RBFOX1: variants seen among roughly 807,000 people sequenced by gnomAD.
The protein encoded by RBFOX1 is RNA binding fox-1 homolog 1.
Under a neutral mutation model 57.7 loss-of-function variants are expected in RBFOX1, and 8 were observed. That is an observed-to-expected ratio of 0.14 (90% CI 0.08 to 0.25). RBFOX1 has a LOEUF of 0.25. Ranked by LOEUF, RBFOX1 falls within the 10% of genes least tolerant of loss-of-function variation. The pLI, the probability that RBFOX1 is intolerant of heterozygous loss-of-function variation, is 1.00. For synonymous variants in RBFOX1, 326 were observed against 222.4 expected, an observed-to-expected ratio of 1.47 and a Z score of -4.15; for missense variants, 611 against 548.5, an observed-to-expected ratio of 1.11 and a Z score of -1.14.
intron 4 of RBFOX1, among the ~76,000 whole-genome samples, chr16:7,247,924 A>G (rs1407235256): frequency 6.6e-6 from 1 of 152,224 alleles, no homozygotes; most frequent in Non-Finnish European, 1.5e-5. Context: ...GGATCAGGAA[A>G]AATAACTAAT....
At chr16:6,648,635 C>G (rs2098552705) in intron 2 of RBFOX1, among the ~76,000 whole-genome samples, 1 of 152,110 alleles carries the variant, frequency 6.6e-6, no homozygotes, top group South Asian at 2.1e-4. Context: ...GGGCCCTCAC[C>G]CTTTGAATTT....
intron 1 of RBFOX1, among the ~76,000 whole-genome samples, chr16:5,368,156 G>C (rs1490747085): frequency 6.6e-6 from 1 of 152,220 alleles, no homozygotes; most frequent in African/African-American, 2.4e-5. Context: ...ACCTCTGGGA[G>C]CTATCTGTTT....
intron 3 of RBFOX1, among the ~76,000 whole-genome samples, chr16:5,727,006 C>G (rs1033202577): frequency 6.6e-6 from 1 of 152,192 alleles, no homozygotes; most frequent in African/African-American, 2.4e-5. Flanking sequence ...TGCCTGTAAT[C>G]CCAGCACTTT....
intron 4 of RBFOX1, among the ~76,000 whole-genome samples, chr16:7,447,731 A>T (rs966294654): frequency 3.3e-5 from 5 of 152,190 alleles, no homozygotes; most frequent in African/African-American, 1.2e-4. Flanking sequence ...TTATTAAGCA[A>T]TTAAGTATTG....
chr16:5,835,264 G>T (rs1227209607), intron 3 of RBFOX1, among the ~76,000 whole-genome samples: 1 of 152,150 alleles, frequency 6.6e-6, no homozygotes, highest in Admixed American at 6.5e-5. Flanking sequence ...GGCTGGGCAG[G>T]CACTACAGGC....
chr16:7,207,289 A>G lies in RBFOX1; in HGVS notation c.27+155191A>G, dbSNP rs527673895. Among the ~76,000 whole-genome samples, 338 of 152,238 alleles carry G rather than the reference A, an allele frequency of 2.2e-3. 3 individuals are homozygous for G. Among genetic ancestry groups the G allele is most frequent in the Middle Eastern group, 0.017 (5 of 292 alleles). ...TCACGTTCCGGCCCTTCATTCTGCT[A>G]GCTTCAGGTTGGTGAGTCATGCATG... On this transcript the variant is annotated intron_variant, in intron 4 of 15. Coordinates refer to ENST00000550418, the MANE Select transcript of RBFOX1 (RefSeq NM_018723.4).
intron 2 of RBFOX1, among the ~76,000 whole-genome samples, chr16:6,492,109 T>C (rs57992204): frequency 0.015 from 1,731 of 116,178 alleles, 39 homozygotes; most frequent in African/African-American, 0.05. Flanking sequence ...AAATAGCAAG[T>C]ATATGAAAGT....
At chr16:5,893,315 CA>C (rs1218896852) in intron 4 of RBFOX1, among the ~76,000 whole-genome samples, 1 of 151,930 alleles carries the variant, frequency 6.6e-6, no homozygotes, top group African/African-American at 2.4e-5. Flanking sequence ...TGAATGGGCA[CA>C]AAAAATAGAA....
intron 3 of RBFOX1, among the ~76,000 whole-genome samples, chr16:6,915,296 T>G (rs2072848767): frequency 6.6e-6 from 1 of 152,152 alleles, no homozygotes; most frequent in South Asian, 2.1e-4. Context: ...GTTTCCATTC[T>G]CTGTGTTGCG....
chr16:6,070,609 A>C (rs1368453058), intron 1 of RBFOX1, among the ~76,000 whole-genome samples: 3 of 152,196 alleles, frequency 2.0e-5, no homozygotes, highest in Non-Finnish European at 2.9e-5. Context: ...ATGGAGAGGC[A>C]AATTCATAGG....
intron 13 of RBFOX1, 102 bp downstream of exon 13, chr16:7,665,070 T>C (rs1390488860): frequency 1.2e-6 from 2 of 1,606,872 alleles, no homozygotes; most frequent in African/African-American, 2.7e-5. Context: ...TGAGTTTCTC[T>C]CCTTGGTCTG....
intron 1 of RBFOX1, among the ~76,000 whole-genome samples, chr16:6,178,253 C>G (rs1162390179): frequency 8.1e-6 from 1 of 123,324 alleles, no homozygotes; most frequent in African/African-American, 3.1e-5. Context: ...GTGGTGAGAT[C>G]TCGGTTCACT....
rs545487591 is a variant in RBFOX1 at position 5,710,240 on chromosome 16, C to G, written c.318+111279C>G. Among the ~76,000 whole-genome samples, 3 of 152,224 alleles carry G rather than the reference C, an allele frequency of 2.0e-5. No individual in the cohort carries two copies. In the South Asian group the frequency reaches 6.2e-4, roughly 32 times the overall value. On this transcript the variant is annotated intron_variant, in intron 3 of 19. Transcript: ENST00000641259. Reference sequence around the variant, plus strand: ...TTTGCAGATGTTGAAACTGAAGCAGCTAATTGTGGATCAGGTAACCCAATG... The same window carrying G: ...TTTGCAGATGTTGAAACTGAAGCAGGTAATTGTGGATCAGGTAACCCAATG...
At position 5,380,012 on chromosome 16, in the gene RBFOX1, T is replaced by G. The variant is rs185687779; in HGVS notation, c.220-87204T>G. ...TGGGAGCCTGGGCACAGCCTTGCAG[T>G]GGGCGGTGTGAGGGCACAGCACCCA... On this transcript the variant is annotated intron_variant, in intron 1 of 2. Transcript: ENST00000585867. 8.4e-4 allele frequency among the ~76,000 whole-genome samples: 128 copies of G among 152,234 alleles called. 2 individuals carry two copies. The East Asian group carries it at 0.021, about 24-fold the overall frequency.
Position 6,661,784 on chromosome 16 carries a change from T to G in RBFOX1, c.-16+7134T>G, listed in dbSNP as rs371935331. Among the ~76,000 whole-genome samples the G allele has an allele frequency of 7.9e-5, 12 of 152,342 alleles. No homozygotes were observed. The Middle Eastern group carries it at 0.01, about 130-fold the overall frequency. On this transcript the variant is annotated intron_variant, in intron 3 of 15. Coordinates refer to ENST00000550418, the MANE Select transcript of RBFOX1 (RefSeq NM_018723.4). ...GACAGAATGAACATGGGAATGCAACTGTCTCTTTGAAATGTTGATTTAGCG... is the reference window on the plus strand; with the variant it reads ...GACAGAATGAACATGGGAATGCAACGGTCTCTTTGAAATGTTGATTTAGCG...
At chr16:6,230,374 A>G (rs2097449910) in intron 1 of RBFOX1, among the ~76,000 whole-genome samples, 1 of 152,154 alleles carries the variant, frequency 6.6e-6, no homozygotes, top group South Asian at 2.1e-4. Flanking sequence ...TTCACACATG[A>G]GAGAATTGGG....
At chr16:7,010,640 C>G (rs558567947) in intron 3 of RBFOX1, among the ~76,000 whole-genome samples, 19 of 151,962 alleles carry the variant, frequency 1.3e-4, no homozygotes, top group South Asian at 4.2e-4. Flanking sequence ...ACCAATGGCT[C>G]TCTGGTACCG....
At chr16:5,551,608 G>A (rs1261329158) in intron 2 of RBFOX1, among the ~76,000 whole-genome samples, 1 of 152,170 alleles carries the variant, frequency 6.6e-6, no homozygotes, top group African/African-American at 2.4e-5. Flanking sequence ...GATTCGGTGT[G>A]TGTCCCCTGG....
intron 2 of RBFOX1, among the ~76,000 whole-genome samples, chr16:5,529,759 G>C (rs1403942280): frequency 6.6e-6 from 1 of 151,964 alleles, no homozygotes; most frequent in Non-Finnish European, 1.5e-5. Context: ...GTAGAAACGG[G>C]GTTTCACCAT....
Sources: gnomAD v4.1 joint callset for allele counts (sites outside exome capture counted in the v4.1 genomes callset) on GRCh38, gnomAD v4.1.1 for gene constraint, MANE v1.5 for transcripts, NCBI Gene and HGNC (gene_info 2026-07-23, HGNC 2026-07-21) for gene names.